DNMT3A: variants seen among roughly 807,000 people sequenced by gnomAD.
DNMT3A encodes the protein DNA (cytosine-5)-methyltransferase 3A.
In DNMT3A, 267 loss-of-function variants were observed where a neutral mutation model predicts 117.6. The observed-to-expected ratio is 2.27, with a 90% confidence interval of 2.05 to 2.51. DNMT3A has a LOEUF of 2.51. Ranked by LOEUF, DNMT3A falls within the 30% of genes most tolerant of loss-of-function variation. The probability of loss-of-function intolerance (pLI) is 0.00; values close to 1 mark genes in which losing one functional copy is unlikely to be tolerated. For missense variants in DNMT3A, 1,029 were observed against 1,260.2 expected, an observed-to-expected ratio of 0.82 and a Z score of 2.78; for synonymous variants, 432 against 474.8, an observed-to-expected ratio of 0.91 and a Z score of 1.17.
At chr2:25,245,001 C>G (rs1388752188) in intron 13 of DNMT3A, among the ~76,000 whole-genome samples, 1 of 152,238 alleles carries the variant, frequency 6.6e-6, no homozygotes, top group Non-Finnish European at 1.5e-5. Context: ...GCTCCCATCC[C>G]CACATCTGGG....
chr2:25,265,577 G>A (rs936047497), intron 6 of DNMT3A, among the ~76,000 whole-genome samples: 1 of 152,150 alleles, frequency 6.6e-6, no homozygotes, highest in African/African-American at 2.4e-5. Context: ...CCAGCACTTT[G>A]GAGGCTGAGG....
rs143486146 is a variant in DNMT3A at position 25,264,847 on chromosome 2, A to T, written c.639+10094T>A. ...GTCTGAGAATTCACTCAAATATTTA[A>T]TTTAGAATTTATGTACAAGGTAATC... On this transcript the variant is annotated intron_variant, in intron 6 of 22. Coordinates refer to ENST00000321117, the MANE Select transcript of DNMT3A (RefSeq NM_022552.5). Among the ~76,000 whole-genome samples, 317 of 152,292 alleles carry T rather than the reference A, an allele frequency of 2.1e-3. 5 individuals are homozygous for T. In the East Asian group the frequency reaches 0.041, roughly 20 times the overall value.
chr2:25,244,082 G>A (rs1210531131), intron 15 of DNMT3A, 73 bp downstream of exon 15: 24 of 1,603,440 alleles, frequency 1.5e-5, no homozygotes, highest in Non-Finnish European at 6.8e-6. Context: ...CACACACCCT[G>A]CGCACAGCTC....
intron 6 of DNMT3A, among the ~76,000 whole-genome samples, chr2:25,266,490 C>T (rs111276159): frequency 2.8e-4 from 43 of 152,172 alleles, no homozygotes; most frequent in African/African-American, 9.7e-4. Context: ...TAGCCCCTAG[C>T]ACAAGGCCCC....
Position 25,235,814 on chromosome 2 carries a change from C to T in DNMT3A, c.2490G>A (p.Val830=), listed in dbSNP as rs772158569. 1.9e-6 allele frequency: 3 copies of T among 1,613,960 alleles called. No individual in the cohort carries two copies. Among genetic ancestry groups the T allele is most frequent in the East Asian group, 2.2e-5 (1 of 44,876 alleles). The change falls in exon 22 of 23, where the codon GTG becomes GTA. Residue 830 remains valine, a synonymous_variant. Transcript: ENST00000321117. ...AGTTTGACCTCGTAGTAATGGTCCTCACTTTGCTGAACTAGATGAAGAGGA... is the reference window on the plus strand; with the variant it reads ...AGTTTGACCTCGTAGTAATGGTCCTTACTTTGCTGAACTAGATGAAGAGGA... The part of the protein sequence containing the change: ...EHGRIAKFSK[V]RTITTRSNSI...
chr2:25,303,846 A>G (rs756587367), intron 2 of DNMT3A, among the ~76,000 whole-genome samples: 3 of 152,238 alleles, frequency 2.0e-5, no homozygotes, highest in Non-Finnish European at 4.4e-5. Context: ...GGGTGAGCAG[A>G]TGGCTTGGGC....
rs939885469 is a variant in DNMT3A at position 25,234,876 on chromosome 2, C to A, written c.2598-456G>T. Among the ~76,000 whole-genome samples, 3 of 152,096 alleles carry A rather than the reference C, an allele frequency of 2.0e-5. No homozygotes were observed. The highest frequency in any genetic ancestry group is 4.8e-5 in the African/African-American group (2 of 41,408). ...AGAGCAGGGAAGGCGAAAAAGGAGC[C>A]GAACTCCTGCCTGACTTCAGAAGCT... On this transcript the variant is annotated intron_variant, in intron 22 of 22. Coordinates refer to ENST00000321117, the MANE Select transcript of DNMT3A (RefSeq NM_022552.5). This position sits in a 1 kb window ranked among gnomAD's most constrained non-coding sequence, Gnocchi z 4.5.
In DNMT3A at chr2:25,300,139, C is replaced by CG. The variant is rs769876640; in HGVS notation, c.176dup (p.Val60GlyfsTer5). 1.2e-6 allele frequency: 2 copies of CG among 1,612,958 alleles called. No individual in the cohort carries two copies. The highest frequency in any genetic ancestry group is 8.5e-7 in the Non-Finnish European group (1 of 1,179,686). ...AGGGTGTGTAGGATGTGACACTCAC[C>CG]GGGGGGTGCTTGCGCTTCCTCCCAG... On this transcript the variant is annotated frameshift_variant and splice_region_variant, in exon 3 of 23. Transcript: ENST00000321117. LOFTEE classifies it high-confidence loss of function.
chr2:25,335,342 C>G (rs1049712405), intron 1 of DNMT3A, among the ~76,000 whole-genome samples: 15 of 152,254 alleles, frequency 9.9e-5, no homozygotes, highest in African/African-American at 3.6e-4. Context: ...CACTGGGGTG[C>G]TGGGGAATCC....
intron 6 of DNMT3A, among the ~76,000 whole-genome samples, chr2:25,251,633 G>C (rs1051659415): frequency 6.6e-6 from 1 of 152,180 alleles, no homozygotes; most frequent in Non-Finnish European, 1.5e-5. Flanking sequence ...GGGCTACCCT[G>C]GTGTCACAGG....
Position 25,246,217 on chromosome 2 carries a change from G to A in DNMT3A, c.1372C>T (p.Arg458Trp), listed in dbSNP as rs1420356837. Residue 458 changes from arginine (R) to tryptophan (W), a missense_variant, in exon 11 of 23, where the codon CGG (arginine) becomes TGG (tryptophan). By Grantham distance (101) the Arg-to-Trp change is moderately radical. Coordinates refer to ENST00000321117, the MANE Select transcript of DNMT3A (RefSeq NM_022552.5). ...YAPPPPAKKP[R>W]KSTAEKPKVK... ...TTGGGCTTCTCCGCTGTGCTCTTCC[G>A]GGGCTTTTTGGCTGGTGGAGGTGGT... The A allele has an allele frequency of 6.2e-7, 1 of 1,614,142 alleles. No homozygotes were observed. Among genetic ancestry groups the A allele is most frequent in the Non-Finnish European group, 8.5e-7 (1 of 1,179,996 alleles).
In DNMT3A at chr2:25,278,225, C is replaced by A. The variant is rs547854018; in HGVS notation, c.449-2682G>T. 2.0e-5 allele frequency among the ~76,000 whole-genome samples: 3 copies of A among 152,288 alleles called. No individual in the cohort carries two copies. The East Asian group carries it at 5.8e-4, about 29-fold the overall frequency. The stretch of plus-strand genomic sequence containing the variant: ...GTGGCCCTGACAGGCCCGAACATGA[C>A]CCTAGTGCATCTCAGGACTTGGGGG... On this transcript the variant is annotated intron_variant, in intron 4 of 22. Coordinates refer to ENST00000321117, the MANE Select transcript of DNMT3A (RefSeq NM_022552.5).
intron 1 of DNMT3A, among the ~76,000 whole-genome samples, chr2:25,329,785 C>T (rs985686256): frequency 2.0e-5 from 3 of 152,114 alleles, no homozygotes; most frequent in African/African-American, 4.8e-5. Flanking sequence ...ATGACCCAGG[C>T]GCACAGGTTC....
In DNMT3A at chr2:25,244,632, C is replaced by T. The variant is rs771486108; in HGVS notation, c.1575G>A (p.Ala525=). ...QNCKNCFLEC[A]YQYDDDGYQS... Reference sequence around the variant, plus strand: ...GGTAGCCGTCGTCGTCGTACTGGTACGCACACTCCAGAAAGCAGTTCTAGA... The same window carrying T: ...GGTAGCCGTCGTCGTCGTACTGGTATGCACACTCCAGAAAGCAGTTCTAGA... The change falls in exon 14 of 23, where the codon GCG becomes GCA. Residue 525 remains alanine, a synonymous_variant. Transcript: ENST00000321117. 123 of 1,614,030 alleles carry T rather than the reference C, an allele frequency of 7.6e-5. No individual in the cohort carries two copies. Among genetic ancestry groups the T allele is most frequent in the Non-Finnish European group, 5.6e-5 (66 of 1,180,034 alleles).
In DNMT3A at chr2:25,275,196, C is replaced by T; in HGVS notation, c.493-109G>A. The T allele has an allele frequency of 2.8e-6, 4 of 1,412,632 alleles. No individual in the cohort carries two copies. The South Asian group carries it at 5.8e-5, about 21-fold the overall frequency. The allele number at this position is 1,412,632 out of a possible 1,614,324, so 87.5% of individuals were successfully genotyped here. On this transcript the variant is annotated intron_variant, in intron 5 of 22. Transcript: ENST00000321117. ...GACACTGGCTCCTGGCCAGAGAGGG[C>T]ACCCCTGGGAGTGCTGGGCAGGCCC...
chr2:25,246,550 G>A (rs1674796350), intron 10 of DNMT3A, 70 bp downstream of exon 10: 1 of 1,553,368 alleles, frequency 6.4e-7, no homozygotes, highest in Non-Finnish European at 8.7e-7. Flanking sequence ...CCCTAAGCAT[G>A]GCTTTCCCAG....
In DNMT3A at chr2:25,231,683, A is replaced by T. The variant is rs1447460665; in HGVS notation, c.*2596T>A. The T allele has an allele frequency of 1.3e-5, 2 of 151,982 alleles. No homozygotes were observed. The highest frequency in any genetic ancestry group is 2.9e-5 in the Non-Finnish European group (2 of 68,118). The allele number at this position is 151,982 out of a possible 1,614,324, so 9.4% of individuals were successfully genotyped here. On this transcript the variant is annotated 3_prime_UTR_variant, in exon 23 of 23. Coordinates refer to ENST00000321117, the MANE Select transcript of DNMT3A (RefSeq NM_022552.5). The stretch of plus-strand genomic sequence containing the variant: ...GTAGGGGGAGTTGAGGGCTGACTTG[A>T]CTGGTGCCTAGAGTTGCAGGTCAGT...
Position 25,252,059 on chromosome 2 carries a change from C to G in DNMT3A, c.640-3807G>C, listed in dbSNP as rs1675629564. 6 of 1,207,854 alleles carry G rather than the reference C, an allele frequency of 5.0e-6. No homozygotes were observed. Among genetic ancestry groups the G allele is most frequent in the Non-Finnish European group, 4.5e-6 (4 of 879,370 alleles). The allele number at this position is 1,207,854 out of a possible 1,614,324, so 74.8% of individuals were successfully genotyped here. The stretch of plus-strand genomic sequence containing the variant: ...CAGCATCTCCAGAACTCGGGCCAGG[C>G]CGGGACGCCGCGGCTGCTGCGGGCC... On this transcript the variant is annotated intron_variant, in intron 6 of 22. Coordinates refer to ENST00000321117, the MANE Select transcript of DNMT3A (RefSeq NM_022552.5). This position sits in a 1 kb window ranked among gnomAD's most constrained non-coding sequence, Gnocchi z 5.5.
At chr2:25,301,096 C>T (rs988729139) in intron 2 of DNMT3A, among the ~76,000 whole-genome samples, 20 of 150,810 alleles carry the variant, frequency 1.3e-4, no homozygotes, top group Admixed American at 1.3e-4. Context: ...GATGAAACCC[C>T]ATCTCTACTA....
Sources: allele counts gnomAD v4.1 joint callset (sites outside exome capture counted in the v4.1 genomes callset), GRCh38; gene constraint gnomAD v4.1.1; non-coding constraint Gnocchi (gnomAD v3.1); transcripts MANE v1.5; gene names NCBI Gene and HGNC (gene_info 2026-07-23, HGNC 2026-07-21).